FEZF2: variants seen among roughly 807,000 people sequenced by gnomAD.
The protein encoded by FEZF2 is FEZ family zinc finger 2, also known as fez family zinc finger protein 2.
A neutral mutation model predicts 32.8 loss-of-function variants in FEZF2; 2 were observed. The observed-to-expected ratio is 0.06, with a 90% CI of 0.02 to 0.19. FEZF2 has a LOEUF of 0.19. Ranked by LOEUF, FEZF2 falls within the 10% of genes least tolerant of loss-of-function variation. FEZF2 has a pLI of 1.00. For missense variants in FEZF2, 516 were observed against 625.4 expected, an observed-to-expected ratio of 0.83 and a Z score of 1.87; for synonymous variants, 322 against 284.8, an observed-to-expected ratio of 1.13 and a Z score of -1.32.
chr3:62,369,911 T>C lies in FEZF2; in HGVS notation c.*172A>G. 3 of 758,768 alleles carry C rather than the reference T, an allele frequency of 4.0e-6. No homozygotes were observed. The highest frequency in any genetic ancestry group is 6.0e-6 in the Non-Finnish European group (3 of 496,642). The allele number at this position is 758,768 out of a possible 1,614,324, so 47.0% of individuals were successfully genotyped here. A position where few individuals can be genotyped will look rare whatever the true frequency, so the allele number is the denominator to read the frequency against. On this transcript the variant is annotated 3_prime_UTR_variant, in exon 5 of 5. Coordinates refer to ENST00000283268, the MANE Select transcript of FEZF2 (RefSeq NM_018008.4). This position sits in a 1 kb window ranked among gnomAD's most constrained non-coding sequence, Gnocchi z 4.2. Reference sequence around the variant, plus strand: ...TATACAAAGGTGGGGGCCACGAGTTTGCTGCCAGTCATCGAGGAAACATTT... The same window carrying C: ...TATACAAAGGTGGGGGCCACGAGTTCGCTGCCAGTCATCGAGGAAACATTT...
chr3:62,371,732 G>T, intron 2 of FEZF2, 65 bp from the exon 3 acceptor site: 1 of 1,551,022 alleles, frequency 6.4e-7, no homozygotes, highest in Non-Finnish European at 8.7e-7. Context: ...GCCCCGGGGG[G>T]GCCACAGCCT....
In FEZF2 at chr3:62,372,537, C is replaced by CCGCCGCCGG; in HGVS notation, c.331_332insCCGGCGGCG (p.Gly110_Gly111insAlaGlyGly). The CCGCCGCCGG allele has an allele frequency of 7.6e-7, 1 of 1,318,912 alleles. No homozygotes were observed. The highest frequency in any genetic ancestry group is 9.7e-7 in the Non-Finnish European group (1 of 1,034,636). 81.7% of individuals were successfully genotyped at this position (1,318,912 alleles called of 1,614,324 possible). On this transcript the variant is annotated inframe_insertion, in exon 2 of 5. Transcript: ENST00000283268. This position sits in a 1 kb window ranked among gnomAD's most constrained non-coding sequence, Gnocchi z 9.6. The stretch of plus-strand genomic sequence containing the variant: ...TGGGGCCCCCCCGCCGCCGCCGCCG[C>CCGCCGCCGG]CACCGCCGCCGCCGCCTCCGCCGCC...
At position 62,371,213 on chromosome 3, in the gene FEZF2, T is replaced by G; in HGVS notation, c.1120+4A>C. 3 of 1,614,262 alleles carry G rather than the reference T, an allele frequency of 1.9e-6. No individual in the cohort carries two copies. The highest frequency in any genetic ancestry group is 2.5e-6 in the Non-Finnish European group (3 of 1,180,048). Reference sequence around the variant, plus strand: ...AGAAGAGAAGGCCTCGCCTGGCACGTTACCTTTTTGGTGAAAGCCTTTGCC... The same window carrying G: ...AGAAGAGAAGGCCTCGCCTGGCACGGTACCTTTTTGGTGAAAGCCTTTGCC... On this transcript the variant is annotated splice_donor_region_variant and intron_variant, in intron 4 of 4. Coordinates refer to ENST00000283268, the MANE Select transcript of FEZF2 (RefSeq NM_018008.4).
chr3:62,372,104 C>A lies in FEZF2; in HGVS notation c.765G>T (p.Glu255Asp). The A allele has an allele frequency of 6.2e-7, 1 of 1,605,052 alleles. No individual in the cohort carries two copies. Among genetic ancestry groups the A allele is most frequent in the African/African-American group, 1.3e-5 (1 of 74,976 alleles). Residue 255 changes from glutamate to aspartate, a missense_variant, in exon 2 of 5, where the codon GAG becomes GAT. By Grantham distance (45) the Glu-to-Asp change is conservative (BLOSUM62 2). Around this residue, in one of 3 missense-constraint regions of FEZF2, gnomAD observed 408 missense variants for 382.2 expected, o/e 1.07. Transcript: ENST00000283268. This position sits in a 1 kb window ranked among gnomAD's most constrained non-coding sequence, Gnocchi z 9.6. ...VLKENSALTA[E>D]RGGVKGHSKL... ...TGCTGTGGCCCTTGACGCCTCCGCG[C>A]TCGGCAGTCAGGGCCGAGTTTTCCT...
rs750193151 is a variant in FEZF2 at position 62,372,545 on chromosome 3, G to GCCGCCGCCT, written c.315_323dup (p.Gly115_Gly117dup). The GCCGCCGCCT allele has an allele frequency of 1.4e-3, 1,902 of 1,328,696 alleles. 23 individuals are homozygous for GCCGCCGCCT. The African/African-American group carries it at 0.026, about 18-fold the overall frequency. The allele number at this position is 1,328,696 out of a possible 1,614,324, so 82.3% of individuals were successfully genotyped here. A position where few individuals can be genotyped will look rare whatever the true frequency, so the allele number is the denominator to read the frequency against. Reference sequence around the variant, plus strand: ...CCCCGCCGCCGCCGCCGCCACCGCCGCCGCCGCCTCCGCCGCCGCCCGCCC... The same window carrying GCCGCCGCCT: ...CCCCGCCGCCGCCGCCGCCACCGCCGCCGCCGCCTCCGCCGCCTCCGCCGCCGCCCGCCC... On this transcript the variant is annotated inframe_insertion, in exon 2 of 5. Coordinates refer to ENST00000283268, the MANE Select transcript of FEZF2 (RefSeq NM_018008.4). The surrounding 1 kb of genome is among the most constrained non-coding windows in gnomAD (Gnocchi z 9.6).
chr3:62,372,757 T>C lies in FEZF2; in HGVS notation c.112A>G (p.Lys38Glu). The C allele has an allele frequency of 1.2e-6, 2 of 1,602,400 alleles. No individual in the cohort carries two copies. The highest frequency in any genetic ancestry group is 2.2e-5 in the South Asian group (2 of 89,510). Residue 38 changes from lysine (K) to glutamate (E), a missense_variant, in exon 2 of 5, where the codon AAG (lysine) becomes GAG (glutamate). Around this residue, in one of 3 missense-constraint regions of FEZF2, gnomAD observed 408 missense variants for 382.2 expected, o/e 1.07. Coordinates refer to ENST00000283268, the MANE Select transcript of FEZF2 (RefSeq NM_018008.4). This position sits in a 1 kb window ranked among gnomAD's most constrained non-coding sequence, Gnocchi z 9.6. ...AAGGGCGCACGGGGCTCCGACGTCT[T>C]GGCCATGATGCGCTCGATGGAAAAG... ...LAFSIERIMA[K>E]TSEPRAPFEP...
chr3:62,372,377 C>T lies in FEZF2; in HGVS notation c.492G>A (p.Pro164=). The T allele has an allele frequency of 6.2e-7, 1 of 1,611,388 alleles. No individual in the cohort carries two copies. The highest frequency in any genetic ancestry group is 8.5e-7 in the Non-Finnish European group (1 of 1,179,756). Residue 164 remains proline (P), a synonymous_variant, in exon 2 of 5, where the codon CCG becomes CCA. Transcript: ENST00000283268. The surrounding 1 kb of genome is among the most constrained non-coding windows in gnomAD (Gnocchi z 9.6). ...PQVINQAVGL[P]ASGSLYYFNY... Reference sequence around the variant, plus strand: ...TGAAGTAGTAGAGCGAGCCGCTGGCCGGCAGCCCCACAGCCTGGTTGATGA... The same window carrying T: ...TGAAGTAGTAGAGCGAGCCGCTGGCTGGCAGCCCCACAGCCTGGTTGATGA...
At chr3:62,371,709 G>A (rs1278602538) in intron 2 of FEZF2, 42 bp from the exon 3 acceptor site, 1 of 1,580,194 alleles carries the variant, frequency 6.3e-7, no homozygotes, top group Non-Finnish European at 8.6e-7. Context: ...GTCTGTCCGA[G>A]GGCCTACAAT....
chr3:62,370,365 A>T lies in FEZF2; in HGVS notation c.1121-23T>A, dbSNP rs1425033998. The T allele has an allele frequency of 2.5e-6, 4 of 1,611,374 alleles. No homozygotes were observed. Among genetic ancestry groups the T allele is most frequent in the East Asian group, 2.2e-5 (1 of 44,830 alleles). Reference sequence around the variant, plus strand: ...TCCCTACAACAGATCAAGAACAAAAAACGTGGGGGTATGGAGTAGAATGGT... The same window carrying T: ...TCCCTACAACAGATCAAGAACAAAATACGTGGGGGTATGGAGTAGAATGGT... On this transcript the variant is annotated intron_variant, in intron 4 of 4. Transcript: ENST00000283268. This position sits in a 1 kb window ranked among gnomAD's most constrained non-coding sequence, Gnocchi z 4.2.
chr3:62,372,818 G>T lies in FEZF2; in HGVS notation c.51C>A (p.Arg17=), dbSNP rs1469476348. The part of the protein sequence containing the change: ...LETMVPPACP[R]AGASPATSKT... The stretch of plus-strand genomic sequence containing the variant: ...TGGAAGTGGCCGGCGACGCTCCGGC[G>T]CGCGGGCAGGCCGGGGGCACCATGG... The change falls in exon 2 of 5, where the codon CGC becomes CGA. Residue 17 remains arginine, a synonymous_variant. Transcript: ENST00000283268. This position sits in a 1 kb window ranked among gnomAD's most constrained non-coding sequence, Gnocchi z 9.6. 1.3e-6 allele frequency: 2 copies of T among 1,527,484 alleles called. No individual in the cohort carries two copies. Among genetic ancestry groups the T allele is most frequent in the East Asian group, 2.5e-5 (1 of 39,270 alleles). The allele number at this position is 1,527,484 out of a possible 1,614,324, so 94.6% of individuals were successfully genotyped here.
Position 62,371,687 on chromosome 3 carries a change from G to A in FEZF2, c.853-20C>T. On this transcript the variant is annotated intron_variant, in intron 2 of 4. Transcript: ENST00000283268. ...AAACACCTATGGAAAGACATGGGGG[G>A]CCTTGTGGTGCGTCTGTCCGAGGGC... 2 of 1,595,890 alleles carry A rather than the reference G, an allele frequency of 1.3e-6. No homozygotes were observed. Among genetic ancestry groups the A allele is most frequent in the South Asian group, 1.1e-5 (1 of 88,234 alleles).
intron 2 of FEZF2, 27 bp downstream of exon 2, chr3:62,371,989 GC>G (rs1170877595): frequency 1.9e-6 from 3 of 1,592,246 alleles, no homozygotes; most frequent in East Asian, 2.2e-5. Flanking sequence ...GCCCCTCCCG[GC>G]CCCCCTCGCC....
At chr3:62,371,499 C>A (rs757367661) in intron 3 of FEZF2, 34 bp downstream of exon 3, 1 of 1,592,970 alleles carries the variant, frequency 6.3e-7, no homozygotes, top group East Asian at 2.2e-5. Context: ...CTGGGGGTTG[C>A]GCGCGGGCTA....
At position 62,372,886 on chromosome 3, in the gene FEZF2, C is replaced by A. The variant is rs1162534371; in HGVS notation, c.-18G>T. ...CTTGCCATGGCGCGCGGAGCTGAGC[C>A]GAGCCAGGCTGGGCCAGGGCGCAGC... On this transcript the variant is annotated 5_prime_UTR_variant, in exon 2 of 5. Transcript: ENST00000283268. The surrounding 1 kb of genome is among the most constrained non-coding windows in gnomAD (Gnocchi z 9.6). 8.0e-6 allele frequency: 11 copies of A among 1,383,172 alleles called. No homozygotes were observed. In the African/African-American group the frequency reaches 1.5e-4, roughly 19 times the overall value. 85.7% of individuals were successfully genotyped at this position (1,383,172 alleles called of 1,614,324 possible).
rs999645215 is a variant in FEZF2 at position 62,369,744 on chromosome 3, C to T, written c.*339G>A. On this transcript the variant is annotated 3_prime_UTR_variant, in exon 5 of 5. Coordinates refer to ENST00000283268, the MANE Select transcript of FEZF2 (RefSeq NM_018008.4). This position sits in a 1 kb window ranked among gnomAD's most constrained non-coding sequence, Gnocchi z 4.2. ...CGCTTGTACAGGAGGATTTACATGG[C>T]TGTATAAAGATGGCTAGGGGCGCCG... The T allele has an allele frequency of 1.5e-5, 4 of 275,862 alleles. No individual in the cohort carries two copies. The highest frequency in any genetic ancestry group is 2.5e-3 in the Middle Eastern group (2 of 798). 17.1% of individuals were successfully genotyped at this position (275,862 alleles called of 1,614,324 possible).
chr3:62,372,783 G>A lies in FEZF2; in HGVS notation c.86C>T (p.Ala29Val). 6.3e-7 allele frequency: 1 copy of A among 1,596,898 alleles called. No individual in the cohort carries two copies. Among genetic ancestry groups the A allele is most frequent in the Non-Finnish European group, 8.5e-7 (1 of 1,171,364 alleles). Residue 29 changes from alanine to valine, a missense_variant, in exon 2 of 5, where the codon GCC (alanine) becomes GTC (valine). Around this residue, in one of 3 missense-constraint regions of FEZF2, gnomAD observed 408 missense variants for 382.2 expected, o/e 1.07. Transcript: ENST00000283268. The surrounding 1 kb of genome is among the most constrained non-coding windows in gnomAD (Gnocchi z 9.6). ...GASPATSKTL[A>V]FSIERIMAKT... ...GGCCATGATGCGCTCGATGGAAAAG[G>A]CCAGTGTCTTGGAAGTGGCCGGCGA...
intron 3 of FEZF2, 68 bp downstream of exon 3, chr3:62,371,465 A>T (rs566616692): frequency 1.9e-6 from 3 of 1,577,812 alleles, no homozygotes; most frequent in Admixed American, 3.5e-5. Flanking sequence ...TGGCCATCGT[A>T]TCCCCGGTGT....
At position 62,369,986 on chromosome 3, in the gene FEZF2, C is replaced by G; in HGVS notation, c.*97G>C. On this transcript the variant is annotated 3_prime_UTR_variant, in exon 5 of 5. Coordinates refer to ENST00000283268, the MANE Select transcript of FEZF2 (RefSeq NM_018008.4). The surrounding 1 kb of genome is among the most constrained non-coding windows in gnomAD (Gnocchi z 4.2). Reference sequence around the variant, plus strand: ...CGATAAATAGATTTTAGCCTCTCTGCTATAGTTTTTTTTTCTTTTAATTTT... The same window carrying G: ...CGATAAATAGATTTTAGCCTCTCTGGTATAGTTTTTTTTTCTTTTAATTTT... 7.3e-7 allele frequency: 1 copy of G among 1,369,506 alleles called. No individual in the cohort carries two copies. The highest frequency in any genetic ancestry group is 1.5e-5 in the South Asian group (1 of 65,892). 84.8% of individuals were successfully genotyped at this position (1,369,506 alleles called of 1,614,324 possible).
rs969980269 is a variant in FEZF2, at chr3:62,369,830, C to A, written c.*253G>T. The A allele has an allele frequency of 1.6e-5, 7 of 451,276 alleles. No individual in the cohort carries two copies. Among genetic ancestry groups the A allele is most frequent in the South Asian group, 3.1e-5 (1 of 31,904 alleles). 28.0% of individuals were successfully genotyped at this position (451,276 alleles called of 1,614,324 possible). A position where few individuals can be genotyped will look rare whatever the true frequency, so the allele number is the denominator to read the frequency against. ...TTAAAACTGGCTGCCCCAGGAGAAGCGGAGGCCTGGAATTAAATACGTTTC... is the reference window on the plus strand; with the variant it reads ...TTAAAACTGGCTGCCCCAGGAGAAGAGGAGGCCTGGAATTAAATACGTTTC... On this transcript the variant is annotated 3_prime_UTR_variant, in exon 5 of 5. Transcript: ENST00000283268. This position sits in a 1 kb window ranked among gnomAD's most constrained non-coding sequence, Gnocchi z 4.2.
Sources: allele counts gnomAD v4.1 joint callset, GRCh38; gene constraint gnomAD v4.1.1; regional missense constraint gnomAD v4.1.1; non-coding constraint Gnocchi (gnomAD v3.1); transcripts MANE v1.5; gene names NCBI Gene and HGNC (gene_info 2026-07-23, HGNC 2026-07-21).